The following GNG7 variants were observed in gnomAD, a reference collection of about 807,000 sequenced individuals.
GNG7 encodes guanine nucleotide-binding protein G(I)/G(S)/G(O) subunit gamma-7.
GNG7 carries 1 observed loss-of-function variant against 4.0 expected under a neutral mutation model. That is an observed-to-expected ratio of 0.25 (90% confidence interval 0.09 to 1.18). GNG7 has a LOEUF of 1.18. Among genes scored for constraint, GNG7 ranks in the 50% most tolerant of loss-of-function variants. The probability of loss-of-function intolerance (pLI) is 0.50; values close to 1 mark genes in which losing one functional copy is unlikely to be tolerated. For synonymous variants in GNG7, 34 were observed against 36.9 expected, an observed-to-expected ratio of 0.92 and a Z score of 0.29; for missense variants, 86 against 91.9, an observed-to-expected ratio of 0.94 and a Z score of 0.26.
At chr19:2,644,667 C>T (rs143825549) in intron 2 of GNG7, among the ~76,000 whole-genome samples, 121 of 152,240 alleles carry the variant, frequency 7.9e-4, no homozygotes, top group Admixed American at 1.4e-3. Context: ...CATCCCCTCC[C>T]TGCCTCTGTG....
chr19:2,581,476 G>A (rs1980504881), intron 2 of GNG7, among the ~76,000 whole-genome samples: 4 of 152,150 alleles, frequency 2.6e-5, no homozygotes, highest in Admixed American at 2.6e-4. Context: ...AGGCTGTGGG[G>A]TGGGATGTGG....
At chr19:2,556,649 T>G (rs1192355833) in intron 2 of GNG7, among the ~76,000 whole-genome samples, 3 of 152,056 alleles carry the variant, frequency 2.0e-5, no homozygotes, top group African/African-American at 7.2e-5. Flanking sequence ...GGAAGCCTCC[T>G]CACCTTGCAG....
intron 1 of GNG7, among the ~76,000 whole-genome samples, chr19:2,646,968 G>A (rs1195245344): frequency 1.3e-5 from 2 of 152,196 alleles, no homozygotes; most frequent in East Asian, 3.9e-4. Flanking sequence ...CTTTTCCAGA[G>A]TTAGCCTGAA....
chr19:2,589,043 C>T (rs1407491648), intron 2 of GNG7, among the ~76,000 whole-genome samples: 3 of 152,114 alleles, frequency 2.0e-5, no homozygotes, highest in African/African-American at 7.2e-5. Context: ...ATTCTCCTGC[C>T]TCAGCCTCCC....
intron 1 of GNG7, among the ~76,000 whole-genome samples, chr19:2,648,872 G>GTT (rs573742550): frequency 1.0e-4 from 15 of 146,678 alleles, no homozygotes; most frequent in South Asian, 8.6e-4. Context: ...TGAATCATGT[G>GTT]TTTTTTTTTT....
At chr19:2,624,032 T>TG (rs765491017) in intron 2 of GNG7, among the ~76,000 whole-genome samples, 3 of 151,482 alleles carry the variant, frequency 2.0e-5, no homozygotes, top group Non-Finnish European at 4.4e-5. Context: ...GGAAGCAGGA[T>TG]GGGGGGTGCC....
rs188845865 is a variant in GNG7, at chr19:2,553,744, A to G, written c.-38+1405T>C. ...CATATATGTACATATTACATGCAATATATTACATATATGCACATATTGCAT... is the reference window on the plus strand; with the variant it reads ...CATATATGTACATATTACATGCAATGTATTACATATATGCACATATTGCAT... On this transcript the variant is annotated intron_variant, in intron 3 of 4. Transcript: ENST00000382159. Among the ~76,000 whole-genome samples, 61 of 148,986 alleles carry G rather than the reference A, an allele frequency of 4.1e-4. 2 individuals are homozygous for G. Among genetic ancestry groups the G allele is most frequent in the Admixed American group, 3.4e-3 (50 of 14,812 alleles).
chr19:2,623,347 T>C (rs1257745591), intron 2 of GNG7, among the ~76,000 whole-genome samples: 1 of 151,218 alleles, frequency 6.6e-6, no homozygotes, highest in African/African-American at 2.4e-5. Context: ...AGGTGTTCCT[T>C]ACCCAAAGGA....
intron 1 of GNG7, among the ~76,000 whole-genome samples, chr19:2,666,355 T>C (rs566245972): frequency 1.3e-5 from 2 of 152,180 alleles, no homozygotes; most frequent in South Asian, 2.1e-4. Flanking sequence ...GTATTTTTAG[T>C]AGAGATGGGG....
intron 1 of GNG7, among the ~76,000 whole-genome samples, chr19:2,689,898 C>T (rs1000947854): frequency 1.3e-5 from 2 of 152,100 alleles, no homozygotes; most frequent in East Asian, 1.9e-4. Flanking sequence ...CCACTCTCTA[C>T]GGCAACGACT....
intron 3 of GNG7, among the ~76,000 whole-genome samples, chr19:2,549,558 G>A (rs530557948): frequency 1.2e-4 from 18 of 152,244 alleles, no homozygotes; most frequent in Non-Finnish European, 2.5e-4. Context: ...CAAAGTGCTG[G>A]GATGACAGAC....
At chr19:2,581,143 A>C (rs1237117559) in intron 2 of GNG7, among the ~76,000 whole-genome samples, 1 of 151,996 alleles carries the variant, frequency 6.6e-6, no homozygotes, top group African/African-American at 2.4e-5. Flanking sequence ...AAAGACTTCC[A>C]TGAACGCTGT....
intron 3 of GNG7, among the ~76,000 whole-genome samples, chr19:2,520,994 G>C (rs933540244): frequency 6.6e-6 from 1 of 152,062 alleles, no homozygotes; most frequent in Non-Finnish European, 1.5e-5. Context: ...GGTGGCTCAC[G>C]CCTGTAATCC....
intron 3 of GNG7, among the ~76,000 whole-genome samples, chr19:2,532,431 G>T (rs988583855): frequency 9.9e-5 from 15 of 152,104 alleles, no homozygotes; most frequent in Admixed American, 9.2e-4. Flanking sequence ...CCAGAATGAA[G>T]CAAGACGACA....
intron 1 of GNG7, among the ~76,000 whole-genome samples, chr19:2,648,761 G>A (rs1235767718): frequency 6.6e-6 from 1 of 152,238 alleles, no homozygotes; most frequent in Non-Finnish European, 1.5e-5. Flanking sequence ...CAGCAGGGAT[G>A]AGTGATGAAA....
chr19:2,555,813 G>C (rs888023740), intron 2 of GNG7, among the ~76,000 whole-genome samples: 2 of 152,156 alleles, frequency 1.3e-5, no homozygotes, highest in Non-Finnish European at 2.9e-5. Context: ...CTTTGGAGCT[G>C]CGGTTTTCCA....
chr19:2,522,545 C>T (rs551430701), intron 3 of GNG7, among the ~76,000 whole-genome samples: 58 of 151,782 alleles, frequency 3.8e-4, no homozygotes, highest in East Asian at 2.6e-3. Context: ...GAGGCCGAGG[C>T]GGGCGGGTCA....
intron 3 of GNG7, among the ~76,000 whole-genome samples, chr19:2,541,083 C>A (rs1009812075): frequency 2.0e-5 from 3 of 152,234 alleles, no homozygotes; most frequent in Admixed American, 6.5e-5. Flanking sequence ...CCGAGCGGCT[C>A]CTGGGCCTGG....
Position 2,520,770 on chromosome 19 carries a change from C to T in GNG7, c.-37-45G>A, listed in dbSNP as rs558326245. ...GTGTGGGTCAAAGTTCAGGTCAGGC[C>T]TCTGGGTGGCAGCAGGGGCGCCCGG... On this transcript the variant is annotated intron_variant, in intron 3 of 4. Coordinates refer to ENST00000382159, the MANE Select transcript of GNG7 (RefSeq NM_052847.3). 3.5e-6 allele frequency: 3 copies of T among 856,382 alleles called. No homozygotes were observed. In the South Asian group the frequency reaches 4.4e-5, roughly 13 times the overall value. 53.0% of individuals were successfully genotyped at this position (856,382 alleles called of 1,614,324 possible).
Sources: gnomAD v4.1 joint callset for allele counts (sites outside exome capture counted in the v4.1 genomes callset) on GRCh38, gnomAD v4.1.1 for gene constraint, MANE v1.5 for transcripts, NCBI Gene and HGNC (gene_info 2026-07-23, HGNC 2026-07-21) for gene names.